The following TBC1D5 variants were observed in gnomAD, a reference collection of about 807,000 sequenced individuals.
TBC1D5 encodes TBC1 domain family member 5.
A neutral mutation model predicts 100.3 loss-of-function variants in TBC1D5; 75 were observed. The observed-to-expected ratio is 0.75, with a 90% CI of 0.62 to 0.91. The LOEUF is 0.91. Ranked by LOEUF, TBC1D5 falls within the 40% of genes least tolerant of loss-of-function variation. The pLI, the probability that TBC1D5 is intolerant of heterozygous loss-of-function variation, is 0.00. For synonymous variants in TBC1D5, 323 were observed against 325.6 expected (o/e 0.99, Z 0.09); for missense variants, 910 against 942.4 (o/e 0.97, Z 0.45).
chr3:17,530,172 A>G (rs1220816900), intron 2 of TBC1D5, among the ~76,000 whole-genome samples: 1 of 151,624 alleles, frequency 6.6e-6, no homozygotes, highest in East Asian at 1.9e-4. Context: ...TGATCCCAGA[A>G]GCCAGAAGTT....
chr3:17,434,889 G>T (rs1040417291), intron 3 of TBC1D5, among the ~76,000 whole-genome samples: 1 of 152,102 alleles, frequency 6.6e-6, no homozygotes, highest in Admixed American at 6.6e-5. Context: ...TGAATGCTTT[G>T]TTGCTTAGAA....
chr3:17,518,506 C>T (rs138983059), intron 2 of TBC1D5, among the ~76,000 whole-genome samples: 168 of 152,290 alleles, frequency 1.1e-3, no homozygotes, highest in African/African-American at 3.9e-3. Flanking sequence ...GATTACCTAC[C>T]CACCCCATCT....
chr3:17,509,202 C>G (rs1473438029), intron 2 of TBC1D5, among the ~76,000 whole-genome samples: 1 of 151,682 alleles, frequency 6.6e-6, no homozygotes, highest in Non-Finnish European at 1.5e-5. Flanking sequence ...TCTATAATTT[C>G]TAATTATTCC....
At chr3:17,487,355 T>C (rs1180567536) in intron 3 of TBC1D5, among the ~76,000 whole-genome samples, 1 of 152,238 alleles carries the variant, frequency 6.6e-6, no homozygotes, top group Non-Finnish European at 1.5e-5. Context: ...ACTAACAGTT[T>C]ATGTAAAAAT....
chr3:17,582,284 G>A (rs775264182), intron 2 of TBC1D5, among the ~76,000 whole-genome samples: 90 of 152,120 alleles, frequency 5.9e-4, no homozygotes, highest in Non-Finnish European at 1.1e-3. Context: ...ATGGATAGTA[G>A]AAAAAATTAA....
chr3:17,346,025 T>A (rs534280533), intron 13 of TBC1D5, among the ~76,000 whole-genome samples: 126 of 152,188 alleles, frequency 8.3e-4, no homozygotes, highest in African/African-American at 2.9e-3. Flanking sequence ...CATATGTAAC[T>A]AACCTGCACA....
intron 3 of TBC1D5, among the ~76,000 whole-genome samples, chr3:17,499,923 G>A (rs2095763879): frequency 6.7e-6 from 1 of 149,046 alleles, no homozygotes; most frequent in South Asian, 2.1e-4. Context: ...CATGTCTGGG[G>A]GGTCCAGGAA....
rs1469532659 is a variant in TBC1D5 at position 17,374,457 on chromosome 3, A to G, written c.822+14T>C. On this transcript the variant is annotated intron_variant, in intron 12 of 21. Coordinates refer to ENST00000253692, the Ensembl canonical transcript of TBC1D5. ...CATAGCATATACTGAAAAGATCTGT[A>G]CTATAAGATTTACCTTCTGACCATC... 6.2e-7 allele frequency: 1 copy of G among 1,607,164 alleles called. No homozygotes were observed. The highest frequency in any genetic ancestry group is 8.5e-7 in the Non-Finnish European group (1 of 1,176,462).
intron 14 of TBC1D5, among the ~76,000 whole-genome samples, chr3:17,305,225 C>T (rs2083284126): frequency 6.6e-6 from 1 of 152,112 alleles, no homozygotes; most frequent in Non-Finnish European, 1.5e-5. Context: ...TCAGACAGTT[C>T]TCTGGGGTTA....
intron 3 of TBC1D5, among the ~76,000 whole-genome samples, chr3:17,458,835 G>T (rs2095145296): frequency 6.6e-6 from 1 of 152,146 alleles, no homozygotes; most frequent in African/African-American, 2.4e-5. Flanking sequence ...ATGTATTGTG[G>T]TTTTCAAAGC....
chr3:17,556,398 C>A (rs139209817), intron 2 of TBC1D5, among the ~76,000 whole-genome samples: 1 of 152,266 alleles, frequency 6.6e-6, no homozygotes, highest in African/African-American at 2.4e-5. Flanking sequence ...TTTTCATCAT[C>A]ATCTTCACCT....
At chr3:17,597,882 A>G (rs549217199) in intron 2 of TBC1D5, among the ~76,000 whole-genome samples, 2 of 152,276 alleles carry the variant, frequency 1.3e-5, no homozygotes, top group South Asian at 2.1e-4. Context: ...ATCTTCCCGT[A>G]TTACTCCTGA....
rs1200782744 is a variant in TBC1D5, at chr3:17,679,643, A to G, written c.-100-55730T>C. 2.0e-5 allele frequency among the ~76,000 whole-genome samples: 3 copies of G among 151,578 alleles called. 1 individual carries two copies. Among genetic ancestry groups the G allele is most frequent in the African/African-American group, 4.9e-5 (2 of 40,850 alleles). ...TACTTAGAAACACTATAAATTAGGA[A>G]GTGGAAAGAATATGTGAAGTACATT... On this transcript the variant is annotated intron_variant, in intron 1 of 21. Coordinates refer to ENST00000253692, the Ensembl canonical transcript of TBC1D5.
intron 8 of TBC1D5, 135 bp from the exon 9 acceptor site, chr3:17,384,150 T>C (rs531785697): frequency 3.2e-6 from 2 of 634,408 alleles, no homozygotes; most frequent in South Asian, 2.7e-5. Flanking sequence ...AACTTATGCC[T>C]TTAGTGGGGA....
intron 13 of TBC1D5, among the ~76,000 whole-genome samples, chr3:17,349,514 T>A (rs2151626886): frequency 6.6e-6 from 1 of 152,302 alleles, no homozygotes; most frequent in South Asian, 2.1e-4. Context: ...TTTAAATCAG[T>A]ATGGTGATTG....
At chr3:17,384,325 C>G (rs1378328218) in intron 8 of TBC1D5, among the ~76,000 whole-genome samples, 1 of 151,872 alleles carries the variant, frequency 6.6e-6, no homozygotes, top group East Asian at 1.9e-4. Context: ...TGGGGAGTTG[C>G]TTTGTTTTAG....
At chr3:17,307,876 C>T (rs1559599181) in intron 14 of TBC1D5, 116 bp downstream of exon 14, 1 of 1,358,594 alleles carries the variant, frequency 7.4e-7, no homozygotes, top group Non-Finnish European at 1.0e-6. Context: ...TACCCTACTA[C>T]AAAAATTGAG....
intron 16 of TBC1D5, among the ~76,000 whole-genome samples, chr3:17,243,104 G>A (rs2076437859): frequency 6.6e-6 from 1 of 152,106 alleles, no homozygotes. Flanking sequence ...TCTCAGACTT[G>A]GGTCACAGAC....
At chr3:17,736,555 A>C (rs536730772) in intron 1 of TBC1D5, among the ~76,000 whole-genome samples, 2 of 152,058 alleles carry the variant, frequency 1.3e-5, no homozygotes, top group South Asian at 4.2e-4. Flanking sequence ...TCTCCTATCA[A>C]CTCCACGTCT....
Sources: gnomAD v4.1 joint callset for allele counts (sites outside exome capture counted in the v4.1 genomes callset) on GRCh38, gnomAD v4.1.1 for gene constraint, MANE v1.5 for transcripts, NCBI Gene and HGNC (gene_info 2026-07-23, HGNC 2026-07-21) for gene names.